Variants in NPFFR2 observed in about 807,000 individuals in gnomAD.
NPFFR2 encodes neuropeptide FF receptor 2.
A neutral mutation model predicts 13.1 loss-of-function variants in NPFFR2; 15 were observed. That is an observed-to-expected ratio of 1.15 (90% CI 0.77 to 1.76). The LOEUF (loss-of-function observed/expected upper bound fraction) is 1.76. Among genes scored for constraint, NPFFR2 ranks in the 40% most tolerant of loss-of-function variants. The pLI, the probability that NPFFR2 is intolerant of heterozygous loss-of-function variation, is 0.00. For missense variants in NPFFR2, 572 were observed against 503.5 expected (o/e 1.14, Z -1.30); for synonymous variants, 190 against 175.7 (o/e 1.08, Z -0.65).
chr4:72,070,854 C>T (rs1720233512), intron 1 of NPFFR2, among the ~76,000 whole-genome samples: 1 of 152,082 alleles, frequency 6.6e-6, no homozygotes, highest in Admixed American at 6.6e-5. Flanking sequence ...GTATTGTATA[C>T]TTGTAATGAA....
intron 1 of NPFFR2, among the ~76,000 whole-genome samples, chr4:72,128,155 C>A (rs10034862): frequency 0.07 from 10,643 of 152,054 alleles, 1,121 homozygotes; most frequent in African/African-American, 0.23. Flanking sequence ...TTAGGAGTTT[C>A]AAAAATGTAG....
At chr4:72,135,816 TTG>T (rs1233075195) in intron 2 of NPFFR2, among the ~76,000 whole-genome samples, 1 of 138,320 alleles carries the variant, frequency 7.2e-6, no homozygotes, top group Non-Finnish European at 1.7e-5. Flanking sequence ...TTGTTTTAAT[TTG>T]TTTTTTTTTT....
At chr4:72,102,793 C>G (rs982227741) in intron 1 of NPFFR2, among the ~76,000 whole-genome samples, 4 of 151,920 alleles carry the variant, frequency 2.6e-5, no homozygotes, top group Admixed American at 6.6e-5. Context: ...TGGCTTGGTT[C>G]CAAGTCTTTG....
At chr4:72,113,545 A>G (rs1721625637) in intron 1 of NPFFR2, among the ~76,000 whole-genome samples, 1 of 152,022 alleles carries the variant, frequency 6.6e-6, no homozygotes, top group Admixed American at 6.6e-5. Context: ...TATATTTTTT[A>G]TATACTTTTT....
chr4:72,042,497 A>G lies in NPFFR2; in HGVS notation c.-8+10297A>G, dbSNP rs561099338. Among the ~76,000 whole-genome samples, 9 of 152,328 alleles carry G rather than the reference A, an allele frequency of 5.9e-5. No individual in the cohort carries two copies. The South Asian group carries it at 8.3e-4, about 14-fold the overall frequency. ...AACAGTTTGGAGGGCTCAGTAGAAG[A>G]TAAGAAATGTGGGAAAGTTTGGAAC... On this transcript the variant is annotated intron_variant, in intron 1 of 3. Transcript: ENST00000308744.
At position 72,104,704 on chromosome 4, in the gene NPFFR2, A is replaced by G. The variant is rs1037581409; in HGVS notation, c.-7-23881A>G. 5.3e-5 allele frequency among the ~76,000 whole-genome samples: 8 copies of G among 152,166 alleles called. No individual in the cohort carries two copies. In the East Asian group the frequency reaches 1.6e-3, roughly 30 times the overall value. On this transcript the variant is annotated intron_variant, in intron 1 of 3. Transcript: ENST00000308744. The stretch of plus-strand genomic sequence containing the variant: ...TCTTAATGAGGTCTTTCCAAAAGAT[A>G]TAGGTGTCATTAACTCCTGGAAATC...
intron 2 of NPFFR2, among the ~76,000 whole-genome samples, chr4:72,136,406 G>GA (rs200956367): frequency 6.8e-4 from 103 of 150,396 alleles, no homozygotes; most frequent in African/African-American, 2.1e-3. Flanking sequence ...AACACCACCA[G>GA]AAAAAAAAAG....
chr4:72,073,611 A>G (rs1030454524), intron 1 of NPFFR2, among the ~76,000 whole-genome samples: 1 of 152,094 alleles, frequency 6.6e-6, no homozygotes, highest in African/African-American at 2.4e-5. Context: ...AGTTAGTATT[A>G]TAACTTTAGT....
At chr4:72,034,575 C>T (rs890252267) in intron 1 of NPFFR2, among the ~76,000 whole-genome samples, 21 of 152,222 alleles carry the variant, frequency 1.4e-4, no homozygotes, top group South Asian at 1.0e-3. Context: ...GATGGGGACA[C>T]GGCCAAACTA....
At chr4:72,126,005 T>C (rs1334435961) in intron 1 of NPFFR2, among the ~76,000 whole-genome samples, 1 of 152,224 alleles carries the variant, frequency 6.6e-6, no homozygotes, top group Non-Finnish European at 1.5e-5. Flanking sequence ...AGATTAATAT[T>C]GAAATATTTT....
chr4:72,060,206 A>G (rs927077635), intron 1 of NPFFR2, among the ~76,000 whole-genome samples: 1 of 152,120 alleles, frequency 6.6e-6, no homozygotes, highest in Non-Finnish European at 1.5e-5. Context: ...TCTTGAGTCA[A>G]TGGCATTTTG....
chr4:72,049,271 A>T (rs957144501), intron 1 of NPFFR2, among the ~76,000 whole-genome samples: 1 of 152,144 alleles, frequency 6.6e-6, no homozygotes, highest in Non-Finnish European at 1.5e-5. Flanking sequence ...TTTGCAATCA[A>T]TGTCAAGGCT....
intron 1 of NPFFR2, among the ~76,000 whole-genome samples, chr4:72,105,470 G>GA (rs1441430200): frequency 2.0e-5 from 3 of 151,868 alleles, no homozygotes; most frequent in African/African-American, 4.8e-5. Context: ...GTTAAGAGCA[G>GA]AAAAATGATC....
At chr4:72,093,107 A>G (rs1320645282) in intron 1 of NPFFR2, among the ~76,000 whole-genome samples, 3 of 152,194 alleles carry the variant, frequency 2.0e-5, no homozygotes, top group Non-Finnish European at 4.4e-5. Context: ...TTTAATGGAT[A>G]CAAAATTCTT....
chr4:72,147,382 T>C lies in NPFFR2; in HGVS notation c.833T>C (p.Ile278Thr), dbSNP rs1207670710. 1 of 1,614,090 alleles carries C rather than the reference T, an allele frequency of 6.2e-7. No individual in the cohort carries two copies. Among genetic ancestry groups the C allele is most frequent in the Non-Finnish European group, 8.5e-7 (1 of 1,180,044 alleles). ...KKQKIIKMLL[I>T]VALLFILSWL... is the part of the protein sequence containing the mutation. Reference sequence around the variant, plus strand: ...CAGAAGATCATTAAGATGCTCCTGATTGTGGCCCTGCTTTTTATTCTCTCA... The same window carrying C: ...CAGAAGATCATTAAGATGCTCCTGACTGTGGCCCTGCTTTTTATTCTCTCA... Residue 278 changes from isoleucine to threonine, a missense_variant, in exon 4 of 4, where the codon ATT (isoleucine) becomes ACT (threonine). By Grantham distance (89) the Ile-to-Thr change is moderately conservative. Transcript: ENST00000308744.
chr4:72,142,424 C>T (rs983034373), intron 3 of NPFFR2, among the ~76,000 whole-genome samples: 6 of 152,166 alleles, frequency 3.9e-5, no homozygotes, highest in African/African-American at 1.4e-4. Context: ...GGCTCACCCT[C>T]CGTGGGCTGC....
At chr4:72,049,053 C>T (rs887056301) in intron 1 of NPFFR2, among the ~76,000 whole-genome samples, 1 of 151,986 alleles carries the variant, frequency 6.6e-6, no homozygotes, top group African/African-American at 2.4e-5. Context: ...TTCTCATTCC[C>T]TTATTTTTTG....
chr4:72,041,561 A>G (rs1299362506), intron 1 of NPFFR2, among the ~76,000 whole-genome samples: 1 of 152,106 alleles, frequency 6.6e-6, no homozygotes, highest in South Asian at 2.1e-4. Context: ...TTAGTTCTTT[A>G]AGAGATCTGC....
At chr4:72,112,200 C>T (rs779229748) in intron 1 of NPFFR2, among the ~76,000 whole-genome samples, 42 of 151,938 alleles carry the variant, frequency 2.8e-4, no homozygotes, top group Admixed American at 1.8e-3. Context: ...TTTGATTTTT[C>T]TAGACTATAA....
Sources: allele counts gnomAD v4.1 joint callset (sites outside exome capture counted in the v4.1 genomes callset), GRCh38; gene constraint gnomAD v4.1.1; transcripts MANE v1.5; gene names NCBI Gene and HGNC (gene_info 2026-07-23, HGNC 2026-07-21).